Variants in NUSAP1 observed in about 807,000 individuals in gnomAD.
The protein encoded by NUSAP1 is nucleolar and spindle-associated protein 1.
In NUSAP1, 32 loss-of-function variants were observed where a neutral mutation model predicts 52.8. The ratio of observed to expected loss-of-function variants is 0.61; its 90% CI spans 0.46 to 0.81. The LOEUF (loss-of-function observed/expected upper bound fraction) is 0.81, where lower values mean the gene tolerates loss of function less well. Among genes scored for constraint, NUSAP1 ranks in the 40% least tolerant of loss-of-function variants. NUSAP1 has a pLI of 0.00. For synonymous variants in NUSAP1, 195 were observed against 183.1 expected, an observed-to-expected ratio of 1.06 and a Z score of -0.52; for missense variants, 499 against 522.3, an observed-to-expected ratio of 0.96 and a Z score of 0.43.
intron 1 of NUSAP1, among the ~76,000 whole-genome samples, chr15:41,340,210 A>G (rs553873044): frequency 6.6e-6 from 1 of 152,074 alleles, no homozygotes; most frequent in African/African-American, 2.4e-5. Flanking sequence ...CTTTCAACTC[A>G]TGAGTCCACC....
Position 41,346,556 on chromosome 15 carries a change from C to T in NUSAP1, c.163-2542C>T, listed in dbSNP as rs575102479. On this transcript the variant is annotated intron_variant, in intron 2 of 10. Transcript: ENST00000559596. The stretch of plus-strand genomic sequence containing the variant: ...TTTTAAAAATACGGATGGCTGGGTG[C>T]GGTGGCTCAGGCCTGTAATCCCAGC... Among the ~76,000 whole-genome samples the T allele has an allele frequency of 5.3e-4, 81 of 151,926 alleles. 2 individuals carry two copies. In the South Asian group the frequency reaches 0.015, roughly 28 times the overall value.
rs193004255 is a variant in NUSAP1 at position 41,341,639 on chromosome 15, C to G, written c.94-747C>G. Reference sequence around the variant, plus strand: ...TCTCATGTTCACACTGATTTCACTTCCTAAGAAGGTTTTGACTTCATCCAT... The same window carrying G: ...TCTCATGTTCACACTGATTTCACTTGCTAAGAAGGTTTTGACTTCATCCAT... On this transcript the variant is annotated intron_variant, in intron 1 of 10. Transcript: ENST00000559596. Among the ~76,000 whole-genome samples the G allele has an allele frequency of 1.2e-3, 177 of 152,296 alleles. 1 individual carries two copies. The highest frequency in any genetic ancestry group is 1.3e-3 in the Non-Finnish European group (90 of 68,020).
intron 5 of NUSAP1, among the ~76,000 whole-genome samples, chr15:41,356,356 T>TTC (rs1277980731): frequency 1.1e-4 from 15 of 142,342 alleles, no homozygotes; most frequent in Non-Finnish European, 1.7e-4. Flanking sequence ...ATTTCTTTCT[T>TTC]TTTTTTTTTT....
At chr15:41,345,121 C>T (rs2048515495) in intron 2 of NUSAP1, among the ~76,000 whole-genome samples, 1 of 151,900 alleles carries the variant, frequency 6.6e-6, no homozygotes, top group Non-Finnish European at 1.5e-5. Context: ...TGCCTCACTC[C>T]CCTGAGTAGC....
intron 8 of NUSAP1, among the ~76,000 whole-genome samples, chr15:41,373,232 A>G (rs1294980738): frequency 6.6e-6 from 1 of 151,936 alleles, no homozygotes; most frequent in Non-Finnish European, 1.5e-5. Flanking sequence ...CGTCTCTACT[A>G]AAAATACGAA....
intron 6 of NUSAP1, among the ~76,000 whole-genome samples, chr15:41,358,994 G>A (rs185922236): frequency 1.3e-5 from 2 of 152,282 alleles, no homozygotes; most frequent in African/African-American, 4.8e-5. Context: ...GCCTCCTCAA[G>A]TAAGAGAAGG....
intron 4 of NUSAP1, among the ~76,000 whole-genome samples, chr15:41,355,122 T>C (rs570977007): frequency 2.0e-5 from 3 of 152,220 alleles, no homozygotes; most frequent in African/African-American, 7.2e-5. Context: ...AGTGCTGGGA[T>C]TACAGGCATG....
intron 2 of NUSAP1, among the ~76,000 whole-genome samples, chr15:41,343,834 A>T (rs1174092664): frequency 6.6e-6 from 1 of 152,156 alleles, no homozygotes; most frequent in Non-Finnish European, 1.5e-5. Flanking sequence ...CTGAAAATAG[A>T]CAAGAACTAT....
At chr15:41,344,735 G>A (rs367905186) in intron 2 of NUSAP1, among the ~76,000 whole-genome samples, 77 of 152,260 alleles carry the variant, frequency 5.1e-4, no homozygotes, top group African/African-American at 1.9e-3. Context: ...GAGGTCAGGA[G>A]TTCAAGACCA....
In NUSAP1 at chr15:41,373,610, C is replaced by T. The variant is rs372037960; in HGVS notation, c.1006+1926C>T. 1.7e-4 allele frequency among the ~76,000 whole-genome samples: 26 copies of T among 151,472 alleles called. No individual in the cohort carries two copies. In the East Asian group the frequency reaches 2.6e-3, roughly 15 times the overall value. On this transcript the variant is annotated intron_variant, in intron 8 of 10. Coordinates refer to ENST00000559596, the MANE Select transcript of NUSAP1 (RefSeq NM_016359.5). ...GACTACAAGTGCCCGCCACCACGCC[C>T]GGCTAATTTTTGTATTTTTGGTAGA...
chr15:41,333,894 A>G (rs2048017381), intron 1 of NUSAP1, among the ~76,000 whole-genome samples: 1 of 152,208 alleles, frequency 6.6e-6, no homozygotes, highest in Non-Finnish European at 1.5e-5. Flanking sequence ...CTTCGGTGAC[A>G]GAGAGAGACT....
intron 8 of NUSAP1, among the ~76,000 whole-genome samples, chr15:41,372,261 G>T (rs1001068149): frequency 6.6e-6 from 1 of 151,972 alleles, no homozygotes; most frequent in Non-Finnish European, 1.5e-5. Flanking sequence ...TGGGACTCAG[G>T]GATTCGGAGG....
At chr15:41,377,470 T>C (rs570024062) in intron 10 of NUSAP1, among the ~76,000 whole-genome samples, 166 bp downstream of exon 10, 328 of 134,984 alleles carry the variant, frequency 2.4e-3, no homozygotes, top group Non-Finnish European at 4.5e-3. Context: ...GAGGCCGAGG[T>C]GGGCGGAACA....
chr15:41,377,189 A>T lies in NUSAP1; in HGVS notation c.1124-7A>T. On this transcript the variant is annotated splice_region_variant and splice_polypyrimidine_tract_variant and intron_variant, in intron 9 of 10. Coordinates refer to ENST00000559596, the MANE Select transcript of NUSAP1 (RefSeq NM_016359.5). ...TTTTAAAATTCTTTGTCTCTGTCCT[A>T]AACTAGGAAAGCTAAAACCATGGGG... 2 of 1,408,602 alleles carry T rather than the reference A, an allele frequency of 1.4e-6. No individual in the cohort carries two copies. Among genetic ancestry groups the T allele is most frequent in the Non-Finnish European group, 1.9e-6 (2 of 1,031,482 alleles). The allele number at this position is 1,408,602 out of a possible 1,614,324, so 87.3% of individuals were successfully genotyped here. A position where few individuals can be genotyped will look rare whatever the true frequency, so the allele number is the denominator to read the frequency against.
At chr15:41,333,323 G>T (rs1251504358) in intron 1 of NUSAP1, among the ~76,000 whole-genome samples, 1 of 152,074 alleles carries the variant, frequency 6.6e-6, no homozygotes, top group Non-Finnish European at 1.5e-5. Flanking sequence ...GTTTTGTTTT[G>T]TTTTGAAATT....
intron 7 of NUSAP1, among the ~76,000 whole-genome samples, chr15:41,366,147 C>T (rs1248012302): frequency 2.6e-5 from 4 of 152,076 alleles, no homozygotes; most frequent in Admixed American, 1.3e-4. Flanking sequence ...AACCACCATG[C>T]GCAGCTAATT....
chr15:41,347,808 C>G (rs529396165), intron 2 of NUSAP1, among the ~76,000 whole-genome samples: 2 of 139,968 alleles, frequency 1.4e-5, no homozygotes, highest in Admixed American at 7.2e-5. Context: ...AGTGAGACTC[C>G]GTCTCAAAAA....
At chr15:41,356,007 A>G (rs2048956054) in intron 4 of NUSAP1, 32 bp from the exon 5 acceptor site, 3 of 1,398,148 alleles carry the variant, frequency 2.1e-6, no homozygotes, top group Non-Finnish European at 3.0e-6. Flanking sequence ...CTTTTTTGAA[A>G]TCCTTCATTA....
rs537788212 is a variant in NUSAP1 at position 41,332,902 on chromosome 15, G to T, written c.-56G>T. The T allele has an allele frequency of 1.1e-5, 16 of 1,391,650 alleles. No homozygotes were observed. The highest frequency in any genetic ancestry group is 7.3e-5 in the South Asian group (6 of 82,032). The allele number at this position is 1,391,650 out of a possible 1,614,324, so 86.2% of individuals were successfully genotyped here. On this transcript the variant is annotated 5_prime_UTR_variant, in exon 1 of 11. Coordinates refer to ENST00000559596, the MANE Select transcript of NUSAP1 (RefSeq NM_016359.5). Reference sequence around the variant, plus strand: ...AAGAGTGGCGCCAGGGATTTGAACCGCGCTGACGAAGTTTGGTGATCCATC... The same window carrying T: ...AAGAGTGGCGCCAGGGATTTGAACCTCGCTGACGAAGTTTGGTGATCCATC...
Sources: allele counts gnomAD v4.1 joint callset (sites outside exome capture counted in the v4.1 genomes callset), GRCh38; gene constraint gnomAD v4.1.1; transcripts MANE v1.5; gene names NCBI Gene and HGNC (gene_info 2026-07-23, HGNC 2026-07-21).